The following EYS variants were observed in gnomAD, a reference collection of about 807,000 sequenced individuals.
EYS encodes EGF-like photoreceptor maintenance factor.
Under a neutral mutation model 282.1 loss-of-function variants are expected in EYS, and 250 were observed. The ratio of observed to expected loss-of-function variants is 0.89; its 90% confidence interval spans 0.80 to 0.98. The LOEUF (loss-of-function observed/expected upper bound fraction) is 0.98. Ranked by LOEUF, EYS falls within the 50% of genes least tolerant of loss-of-function variation. The pLI is 0.00. For missense variants in EYS, 4,016 were observed against 3,709.0 expected (o/e 1.08, Z -2.15); for synonymous variants, 1,355 against 1,282.9 (o/e 1.06, Z -1.20).
intron 6 of EYS, among the ~76,000 whole-genome samples, chr6:65,403,815 T>C (rs987123585): frequency 2.6e-5 from 4 of 152,104 alleles, no homozygotes; most frequent in African/African-American, 9.6e-5. Context: ...AAGATTCTTT[T>C]AACTAGTAAA....
chr6:64,236,656 C>CT (rs1709374927), intron 30 of EYS, among the ~76,000 whole-genome samples: 1 of 151,730 alleles, frequency 6.6e-6, no homozygotes. Context: ...TGAATTTAAT[C>CT]TTTTTGAACT....
intron 2 of EYS, among the ~76,000 whole-genome samples, chr6:65,556,976 T>A (rs1476184463): frequency 6.6e-6 from 1 of 152,228 alleles, no homozygotes; most frequent in African/African-American, 2.4e-5. Context: ...TAATAATATA[T>A]GTCATAGATC....
At chr6:64,535,323 C>A (rs992731106) in intron 26 of EYS, among the ~76,000 whole-genome samples, 2 of 152,080 alleles carry the variant, frequency 1.3e-5, no homozygotes, top group African/African-American at 4.8e-5. Context: ...ATTATGAAAT[C>A]ATAAATGAAC....
intron 12 of EYS, among the ~76,000 whole-genome samples, chr6:65,154,812 T>C (rs138242392): frequency 1.3e-3 from 200 of 151,578 alleles, no homozygotes; most frequent in Middle Eastern, 0.01. Context: ...ATTATACTGA[T>C]AGGAAGGGTA....
At chr6:65,413,482 G>A (rs1767108179) in intron 5 of EYS, among the ~76,000 whole-genome samples, 1 of 152,020 alleles carries the variant, frequency 6.6e-6, no homozygotes, top group Non-Finnish European at 1.5e-5. Context: ...CTTAAGAGAG[G>A]GGGCACATTG....
At chr6:63,947,513 T>C (rs971006349) in intron 35 of EYS, among the ~76,000 whole-genome samples, 5 of 152,134 alleles carry the variant, frequency 3.3e-5, no homozygotes, top group African/African-American at 1.2e-4. Context: ...AAATACTCTT[T>C]ATAGAAAAAA....
At chr6:65,705,122 T>C (rs114141712) in intron 1 of EYS, among the ~76,000 whole-genome samples, 36 of 152,310 alleles carry the variant, frequency 2.4e-4, no homozygotes, top group Admixed American at 7.8e-4. Flanking sequence ...TCCAGTGTTA[T>C]ATGGGCACCA....
At chr6:64,717,615 G>A (rs906406122) in intron 22 of EYS, among the ~76,000 whole-genome samples, 3 of 152,146 alleles carry the variant, frequency 2.0e-5, no homozygotes, top group African/African-American at 7.2e-5. Flanking sequence ...CCACGAACTG[G>A]TACCTAAGAG....
intron 22 of EYS, among the ~76,000 whole-genome samples, chr6:64,690,257 G>A (rs567998658): frequency 6.6e-6 from 1 of 152,192 alleles, no homozygotes; most frequent in South Asian, 2.1e-4. Flanking sequence ...TCAGAGAAAT[G>A]CAAATCAAAA....
intron 19 of EYS, among the ~76,000 whole-genome samples, chr6:64,861,113 T>A (rs1269216029): frequency 6.6e-6 from 1 of 152,218 alleles, no homozygotes; most frequent in Non-Finnish European, 1.5e-5. Flanking sequence ...GGAACTTGTC[T>A]GCCTTCTGCC....
At position 64,264,652 on chromosome 6, in the gene EYS, G is replaced by T. The variant is rs192835245; in HGVS notation, c.6192-33828C>A. ...TGGCTGGGCGTGGTGGCTCATGCCT[G>T]TAATCCCAGCACTTTGGGAGGCTGA... On this transcript the variant is annotated intron_variant, in intron 30 of 42. Transcript: ENST00000503581. 8.0e-4 allele frequency among the ~76,000 whole-genome samples: 122 copies of T among 152,262 alleles called. 1 individual carries two copies. Among genetic ancestry groups the T allele is most frequent in the African/African-American group, 2.8e-3 (115 of 41,562 alleles).
chr6:65,434,478 G>A (rs1487665923), intron 5 of EYS, among the ~76,000 whole-genome samples: 5 of 151,852 alleles, frequency 3.3e-5, no homozygotes, highest in Non-Finnish European at 7.4e-5. Context: ...CCGCCACCAC[G>A]CCCAGCTAAA....
chr6:65,492,979 C>T (rs1025669010), intron 4 of EYS, among the ~76,000 whole-genome samples: 5 of 152,070 alleles, frequency 3.3e-5, no homozygotes, highest in South Asian at 2.1e-4. Context: ...TGCAATGGCG[C>T]GATCTCAGCT....
chr6:64,143,356 T>TA (rs60699526), intron 31 of EYS, among the ~76,000 whole-genome samples: 1,130 of 89,806 alleles, frequency 0.013, 14 homozygotes, highest in Middle Eastern at 0.022. Flanking sequence ...TCATTTATTG[T>TA]AAAAAAAAAA....
chr6:65,469,064 CTT>C (rs1765110082), intron 5 of EYS, among the ~76,000 whole-genome samples: 1 of 152,032 alleles, frequency 6.6e-6, no homozygotes, highest in Non-Finnish European at 1.5e-5. Context: ...ATCGTACACT[CTT>C]AAATTTGAAT....
intron 26 of EYS, among the ~76,000 whole-genome samples, chr6:64,538,241 T>C (rs1257266784): frequency 1.3e-5 from 2 of 152,176 alleles, no homozygotes; most frequent in East Asian, 1.9e-4. Flanking sequence ...GGTTATCAAA[T>C]TTTTGTTTCC....
intron 26 of EYS, among the ~76,000 whole-genome samples, chr6:64,479,793 C>T (rs1776380946): frequency 6.6e-6 from 1 of 151,834 alleles, no homozygotes; most frequent in Non-Finnish European, 1.5e-5. Context: ...ACTGGAGTAG[C>T]AAAAAACACC....
chr6:65,017,526 T>A (rs1772094508), intron 13 of EYS, among the ~76,000 whole-genome samples: 1 of 152,208 alleles, frequency 6.6e-6, no homozygotes, highest in African/African-American at 2.4e-5. Flanking sequence ...TTGTGAGTAA[T>A]TAAAGTGAGA....
intron 22 of EYS, among the ~76,000 whole-genome samples, chr6:64,723,089 A>AAC (rs1183702749): frequency 6.6e-6 from 1 of 151,316 alleles, no homozygotes; most frequent in Non-Finnish European, 1.5e-5. Context: ...GCCCTAAGGA[A>AAC]AAAAAAAAAA....
Sources: allele counts gnomAD v4.1 joint callset (sites outside exome capture counted in the v4.1 genomes callset), GRCh38; gene constraint gnomAD v4.1.1; transcripts MANE v1.5; gene names NCBI Gene and HGNC (gene_info 2026-07-23, HGNC 2026-07-21).